The following NMNAT2 variants were observed in gnomAD, a reference collection of about 807,000 sequenced individuals.
NMNAT2 encodes nicotinamide nucleotide adenylyltransferase 2, also known as nicotinamide/nicotinic acid mononucleotide adenylyltransferase 2.
NMNAT2 carries 11 observed loss-of-function variants against 41.6 expected under a neutral mutation model. That is an observed-to-expected ratio of 0.26 (90% confidence interval 0.17 to 0.44). NMNAT2 has a LOEUF of 0.44. Ranked by LOEUF, NMNAT2 falls within the 20% of genes least tolerant of loss-of-function variation. The probability of loss-of-function intolerance (pLI) is 1.00; values close to 1 mark genes in which losing one functional copy is unlikely to be tolerated. For synonymous variants in NMNAT2, 148 were observed against 151.2 expected (o/e 0.98, Z 0.16); for missense variants, 288 against 407.7 (o/e 0.71, Z 2.53).
chr1:183,322,450 C>G (rs745690678), intron 1 of NMNAT2, among the ~76,000 whole-genome samples: 5 of 152,096 alleles, frequency 3.3e-5, no homozygotes, highest in Non-Finnish European at 5.9e-5. Flanking sequence ...GGGCTAGGTA[C>G]CTTCTTCTCA....
chr1:183,384,943 G>T (rs980588346), intron 1 of NMNAT2, among the ~76,000 whole-genome samples: 2 of 152,122 alleles, frequency 1.3e-5, no homozygotes, highest in African/African-American at 2.4e-5. Flanking sequence ...TGTAGTCCCA[G>T]TGTTTTGGGA....
chr1:183,250,583 C>G lies in NMNAT2; in HGVS notation c.*2058G>C, dbSNP rs1571549359. 1 of 152,768 alleles carries G rather than the reference C, an allele frequency of 6.5e-6. No homozygotes were observed. The highest frequency in any genetic ancestry group is 2.4e-5 in the African/African-American group (1 of 41,582). The allele number at this position is 152,768 out of a possible 1,614,324, so 9.5% of individuals were successfully genotyped here. ...CAATATGTTCTTGTCAGGCCCTACA[C>G]CTGCTGGCTGACCTGGACCAGCCAT... On this transcript the variant is annotated 3_prime_UTR_variant, in exon 11 of 11. Transcript: ENST00000287713.
intron 1 of NMNAT2, among the ~76,000 whole-genome samples, chr1:183,339,176 C>A (rs1662740863): frequency 6.6e-6 from 1 of 152,114 alleles, no homozygotes; most frequent in South Asian, 2.1e-4. Flanking sequence ...CGGCTCACTG[C>A]AAGCTCTGCC....
chr1:183,359,510 T>C (rs1374673786), intron 1 of NMNAT2, among the ~76,000 whole-genome samples: 1 of 152,184 alleles, frequency 6.6e-6, no homozygotes, highest in East Asian at 1.9e-4. Flanking sequence ...ACCTCTTAAA[T>C]TCTTAGATCA....
intron 8 of NMNAT2, among the ~76,000 whole-genome samples, chr1:183,275,983 T>A (rs1661115856): frequency 6.6e-6 from 1 of 152,162 alleles, no homozygotes; most frequent in Admixed American, 6.5e-5. Context: ...ATTTCAGTTT[T>A]AAAACCGGGT....
rs1224579182 is a variant in NMNAT2, at chr1:183,349,376, C to G, written c.86-55583G>C. On this transcript the variant is annotated intron_variant, in intron 1 of 10. Coordinates refer to ENST00000287713, the MANE Select transcript of NMNAT2 (RefSeq NM_015039.4). ...CCTGCTCACAAAAGGACCAGTCATCCTTAAATGGTCATAGACAGAAGAGGC... is the reference window on the plus strand; with the variant it reads ...CCTGCTCACAAAAGGACCAGTCATCGTTAAATGGTCATAGACAGAAGAGGC... 2.6e-5 allele frequency among the ~76,000 whole-genome samples: 4 copies of G among 152,220 alleles called. No individual in the cohort carries two copies. In the East Asian group the frequency reaches 5.8e-4, roughly 22 times the overall value.
intron 1 of NMNAT2, among the ~76,000 whole-genome samples, chr1:183,373,464 G>T (rs920322254): frequency 7.2e-5 from 11 of 152,156 alleles, no homozygotes; most frequent in Non-Finnish European, 1.3e-4. Context: ...GGCCTGACAG[G>T]GCAGTTGACT....
chr1:183,352,408 C>A (rs1663080569), intron 1 of NMNAT2, among the ~76,000 whole-genome samples: 4 of 151,712 alleles, frequency 2.6e-5, no homozygotes, highest in Admixed American at 2.6e-4. Context: ...ACTAAAAATA[C>A]AAAAATCAGC....
intron 1 of NMNAT2, 136 bp downstream of exon 1, chr1:183,418,047 A>G: frequency 1.3e-6 from 1 of 776,390 alleles, no homozygotes; most frequent in Non-Finnish European, 2.2e-6. Flanking sequence ...GAAGGGGCCG[A>G]CCTCCACCAG....
At chr1:183,377,034 A>G (rs1353667575) in intron 1 of NMNAT2, among the ~76,000 whole-genome samples, 1 of 151,890 alleles carries the variant, frequency 6.6e-6, no homozygotes, top group Non-Finnish European at 1.5e-5. Flanking sequence ...TGGAATTTCA[A>G]CTCCCCTCTC....
rs192961368 is a variant in NMNAT2, at chr1:183,356,904, T to G, written c.85+61279A>C. Among the ~76,000 whole-genome samples, 463 of 152,344 alleles carry G rather than the reference T, an allele frequency of 3.0e-3. 1 individual carries two copies. Among genetic ancestry groups the G allele is most frequent in the African/African-American group, 0.011 (443 of 41,584 alleles). ...ATTCACAGCCAATATTTAACTTTTG[T>G]TGTGGCTGCATAGTATTCCATGGTG... On this transcript the variant is annotated intron_variant, in intron 1 of 10. Coordinates refer to ENST00000287713, the MANE Select transcript of NMNAT2 (RefSeq NM_015039.4).
chr1:183,402,727 C>G (rs777730162), intron 1 of NMNAT2, among the ~76,000 whole-genome samples: 5 of 152,304 alleles, frequency 3.3e-5, no homozygotes, highest in South Asian at 2.1e-4. Context: ...GCTGCTCCCC[C>G]CTCCACTCCC....
intron 1 of NMNAT2, among the ~76,000 whole-genome samples, chr1:183,295,589 G>T (rs2102311620): frequency 6.6e-6 from 1 of 152,192 alleles, no homozygotes; most frequent in East Asian, 1.9e-4. Flanking sequence ...AGTTCTGTGG[G>T]TTTTGACAAT....
intron 1 of NMNAT2, among the ~76,000 whole-genome samples, chr1:183,373,957 C>T (rs773688351): frequency 2.6e-5 from 4 of 152,108 alleles, no homozygotes; most frequent in Non-Finnish European, 4.4e-5. Flanking sequence ...AGAAGTGCTA[C>T]CTTGTATTGA....
At chr1:183,397,186 C>T (rs1469054803) in intron 1 of NMNAT2, among the ~76,000 whole-genome samples, 2 of 152,138 alleles carry the variant, frequency 1.3e-5, no homozygotes, top group African/African-American at 4.8e-5. Context: ...TCCAACCCGT[C>T]CTTGAATTCC....
intron 10 of NMNAT2, among the ~76,000 whole-genome samples, chr1:183,252,994 T>C (rs1660430706): frequency 6.6e-6 from 1 of 152,160 alleles, no homozygotes; most frequent in Non-Finnish European, 1.5e-5. Context: ...TTCTTCAGTT[T>C]TTTTCCTGTA....
At chr1:183,257,096 C>T (rs190673709) in intron 10 of NMNAT2, among the ~76,000 whole-genome samples, 3 of 152,086 alleles carry the variant, frequency 2.0e-5, no homozygotes, top group Admixed American at 1.3e-4. Context: ...GCGATGCTGG[C>T]CTCGTAGAAT....
chr1:183,278,777 G>A, intron 7 of NMNAT2, 148 bp from the exon 8 acceptor site: 1 of 647,700 alleles, frequency 1.5e-6, no homozygotes, highest in South Asian at 1.8e-5. Context: ...GCCCCTGAGT[G>A]TGTGCAGAGC....
intron 1 of NMNAT2, among the ~76,000 whole-genome samples, chr1:183,344,285 C>T (rs755184688): frequency 6.4e-4 from 98 of 152,272 alleles, no homozygotes; most frequent in Admixed American, 4.8e-3. Context: ...AACCGAGGTT[C>T]GCAGGGGTGA....
Sources: allele counts gnomAD v4.1 joint callset (sites outside exome capture counted in the v4.1 genomes callset), GRCh38; gene constraint gnomAD v4.1.1; transcripts MANE v1.5; gene names NCBI Gene and HGNC (gene_info 2026-07-23, HGNC 2026-07-21).